SHANK2: variants seen among roughly 807,000 people sequenced by gnomAD.
SHANK2 encodes the protein SH3 and multiple ankyrin repeat domains 2, also known as SH3 and multiple ankyrin repeat domains protein 2.
Under a neutral mutation model 133.7 loss-of-function variants are expected in SHANK2, and 43 were observed. That is an observed-to-expected ratio of 0.32 (90% CI 0.25 to 0.41). The LOEUF is 0.41. Ranked by LOEUF, SHANK2 falls within the 10% of genes least tolerant of loss-of-function variation. SHANK2 has a pLI of 1.00. For synonymous variants in SHANK2, 1,017 were observed against 952.8 expected (o/e 1.07, Z -1.24); for missense variants, 1,994 against 2,235.8 (o/e 0.89, Z 2.18).
intron 2 of SHANK2, among the ~76,000 whole-genome samples, chr11:71,189,627 TG>T (rs1350974021): frequency 2.6e-5 from 4 of 152,244 alleles, no homozygotes; most frequent in African/African-American, 9.6e-5. Context: ...CTCAAACTCC[TG>T]GGCTCAAGCA....
At chr11:71,148,345 A>G (rs1178413468) in intron 2 of SHANK2, among the ~76,000 whole-genome samples, 3 of 152,118 alleles carry the variant, frequency 2.0e-5, no homozygotes, top group African/African-American at 7.2e-5. Flanking sequence ...TGGCCTCCCA[A>G]AGTACTGGGA....
chr11:71,059,661 C>A (rs1232104564), intron 9 of SHANK2, among the ~76,000 whole-genome samples: 2 of 152,130 alleles, frequency 1.3e-5, no homozygotes, highest in Non-Finnish European at 2.9e-5. Context: ...GGCCTCCACC[C>A]CATGATGGTG....
chr11:71,079,602 T>C (rs1490826689), intron 8 of SHANK2, among the ~76,000 whole-genome samples: 1 of 150,324 alleles, frequency 6.7e-6, no homozygotes, highest in African/African-American at 2.5e-5. Context: ...CTACTAAAAA[T>C]ACAAAAAATT....
At chr11:70,809,226 T>C (rs1429878698) in intron 12 of SHANK2, among the ~76,000 whole-genome samples, 2 of 152,220 alleles carry the variant, frequency 1.3e-5, no homozygotes, top group African/African-American at 4.8e-5. Flanking sequence ...ACAGGGCGCC[T>C]GGCTGCAGGG....
intron 10 of SHANK2, chr11:70,908,105 G>GAA: frequency 8.3e-6 from 2 of 241,128 alleles, no homozygotes; most frequent in Non-Finnish European, 1.7e-5. Context: ...CAAAAAAAAA[G>GAA]AAAAAAAAAA....
At chr11:70,880,039 C>T (rs562257034) in intron 11 of SHANK2, among the ~76,000 whole-genome samples, 1 of 152,216 alleles carries the variant, frequency 6.6e-6, no homozygotes, top group Non-Finnish European at 1.5e-5. Context: ...GTGCAGCTCT[C>T]CAGTGCGAGG....
At chr11:71,251,942 G>A (rs1948188895) in intron 1 of SHANK2, among the ~76,000 whole-genome samples, 1 of 151,998 alleles carries the variant, frequency 6.6e-6, no homozygotes, top group Non-Finnish European at 1.5e-5. Context: ...CCACCTGGCG[G>A]CCCCGCGCCG....
chr11:70,811,232 G>A (rs1432382251), intron 12 of SHANK2, among the ~76,000 whole-genome samples: 1 of 152,318 alleles, frequency 6.6e-6, no homozygotes, highest in Admixed American at 6.5e-5. Flanking sequence ...GTGAGCCACA[G>A]AGCAGGAGTC....
At chr11:70,546,661 C>A (rs1325704400) in intron 17 of SHANK2, among the ~76,000 whole-genome samples, 1 of 151,566 alleles carries the variant, frequency 6.6e-6, no homozygotes, top group Non-Finnish European at 1.5e-5. Context: ...CTGGTGTAGA[C>A]CCCTGGTGGG....
At chr11:70,480,219 T>G (rs1202164972) in intron 25 of SHANK2, among the ~76,000 whole-genome samples, 11 of 152,252 alleles carry the variant, frequency 7.2e-5, no homozygotes, top group Admixed American at 2.6e-4. Flanking sequence ...CAGGGCCTTG[T>G]ACTCTCTGTC....
At chr11:71,181,296 G>T (rs782564157) in intron 2 of SHANK2, among the ~76,000 whole-genome samples, 5 of 152,058 alleles carry the variant, frequency 3.3e-5, no homozygotes, top group Admixed American at 6.5e-5. Context: ...TCACTCTCAT[G>T]TGCAAAGAAG....
intron 11 of SHANK2, among the ~76,000 whole-genome samples, chr11:70,850,052 G>T (rs1949060180): frequency 6.6e-6 from 1 of 152,036 alleles, no homozygotes; most frequent in African/African-American, 2.4e-5. Flanking sequence ...CTGTTTCTAT[G>T]AATCTGACGA....
In SHANK2 at chr11:70,487,994, G is replaced by A. The variant is rs1364779525; in HGVS notation, c.2573-274C>T. On this transcript the variant is annotated intron_variant, in intron 24 of 25. Transcript: ENST00000601538. This position sits in a 1 kb window ranked among gnomAD's most constrained non-coding sequence, Gnocchi z 5.8. ...AGGCACAGGCTGCAGCAGGGGAGCTGTGTGAGGCCAGGGCAGGAGGGCCCC... is the reference window on the plus strand; with the variant it reads ...AGGCACAGGCTGCAGCAGGGGAGCTATGTGAGGCCAGGGCAGGAGGGCCCC... Among the ~76,000 whole-genome samples, 5 of 152,248 alleles carry A rather than the reference G, an allele frequency of 3.3e-5. No homozygotes were observed. The South Asian group carries it at 6.2e-4, about 19-fold the overall frequency.
At chr11:70,533,793 C>T (rs535388316) in intron 17 of SHANK2, among the ~76,000 whole-genome samples, 1 of 152,228 alleles carries the variant, frequency 6.6e-6, no homozygotes, top group South Asian at 2.1e-4. Context: ...CCTCACTCTC[C>T]CCTTCCCCAG....
chr11:70,737,349 G>A lies in SHANK2; in HGVS notation c.1778-38586C>T, dbSNP rs4980636. On this transcript the variant is annotated intron_variant, in intron 14 of 25. Transcript: ENST00000601538. ...CTTCCTGTGAGGTGGCAGCCCCAACGGCTCTGAAAATGATCCTCACCCATC... is the reference window on the plus strand; with the variant it reads ...CTTCCTGTGAGGTGGCAGCCCCAACAGCTCTGAAAATGATCCTCACCCATC... Among the ~76,000 whole-genome samples, 1,437 of 152,292 alleles carry A rather than the reference G, an allele frequency of 9.4e-3. 21 individuals carry two copies. Among genetic ancestry groups the A allele is most frequent in the South Asian group, 0.069 (333 of 4,830 alleles).
intron 15 of SHANK2, among the ~76,000 whole-genome samples, chr11:70,671,539 T>C (rs1297563226): frequency 6.6e-6 from 1 of 152,224 alleles, no homozygotes; most frequent in African/African-American, 2.4e-5. Flanking sequence ...GAATGCACCT[T>C]AGAACTTGCT....
chr11:71,132,096 A>AGG, intron 3 of SHANK2, among the ~76,000 whole-genome samples: 1 of 152,328 alleles, frequency 6.6e-6, no homozygotes, highest in African/African-American at 2.4e-5. Context: ...GAGGCAGGTG[A>AGG]GGCTGCTGCC....
intron 14 of SHANK2, among the ~76,000 whole-genome samples, chr11:70,770,440 G>C (rs1412784022): frequency 6.6e-6 from 1 of 152,254 alleles, no homozygotes; most frequent in African/African-American, 2.4e-5. Flanking sequence ...CTGTCCAGCT[G>C]TGTTAACACT....
chr11:71,228,553 T>G (rs1954683171), intron 1 of SHANK2, among the ~76,000 whole-genome samples: 1 of 151,796 alleles, frequency 6.6e-6, no homozygotes, highest in Admixed American at 6.6e-5. Context: ...AGGTCAGGAG[T>G]TCAAGGCCAG....
Sources: gnomAD v4.1 joint callset for allele counts (sites outside exome capture counted in the v4.1 genomes callset) on GRCh38, gnomAD v4.1.1 for gene constraint, Gnocchi (gnomAD v3.1) non-coding constraint, MANE v1.5 for transcripts, NCBI Gene and HGNC (gene_info 2026-07-23, HGNC 2026-07-21) for gene names.